Variants in ROBO2 observed in about 807,000 individuals in gnomAD.
The protein encoded by ROBO2 is roundabout guidance receptor 2, also known as roundabout homolog 2.
Under a neutral mutation model 160.8 loss-of-function variants are expected in ROBO2, and 53 were observed. The observed-to-expected ratio is 0.33, with a 90% CI of 0.26 to 0.41. The LOEUF (loss-of-function observed/expected upper bound fraction) is 0.41. Among genes scored for constraint, ROBO2 ranks in the 10% least tolerant of loss-of-function variants. The pLI is 1.00. For missense variants in ROBO2, 1,577 were observed against 1,722.4 expected, an observed-to-expected ratio of 0.92 and a Z score of 1.49; for synonymous variants, 664 against 611.7, an observed-to-expected ratio of 1.09 and a Z score of -1.26.
chr3:77,573,236 T>A (rs949245747), intron 13 of ROBO2, among the ~76,000 whole-genome samples: 1 of 152,026 alleles, frequency 6.6e-6, no homozygotes, highest in Non-Finnish European at 1.5e-5. Flanking sequence ...GCTTAATTTT[T>A]AAAAATAATT....
chr3:76,742,379 G>A (rs9856149), intron 2 of ROBO2, among the ~76,000 whole-genome samples: 1 of 151,988 alleles, frequency 6.6e-6, no homozygotes, highest in African/African-American at 2.4e-5. Flanking sequence ...TTACCCACTG[G>A]ATAAAAGGGT....
chr3:77,586,935 G>T (rs559071616), intron 16 of ROBO2, among the ~76,000 whole-genome samples: 6 of 151,378 alleles, frequency 4.0e-5, no homozygotes, highest in South Asian at 4.2e-4. Flanking sequence ...CATAAATGAC[G>T]CTGGTTTTTA....
At chr3:76,739,550 A>C (rs1162021234) in intron 2 of ROBO2, among the ~76,000 whole-genome samples, 1 of 151,912 alleles carries the variant, frequency 6.6e-6, no homozygotes, top group Non-Finnish European at 1.5e-5. Context: ...TTGGTGCAGC[A>C]CACCAGCATG....
chr3:77,025,558 C>T (rs1435463233), intron 2 of ROBO2, among the ~76,000 whole-genome samples: 1 of 152,132 alleles, frequency 6.6e-6, no homozygotes, highest in African/African-American at 2.4e-5. Context: ...AGGGGGATGA[C>T]ATAAGGTTAG....
chr3:76,399,198 G>C (rs868102601), intron 2 of ROBO2, among the ~76,000 whole-genome samples: 12 of 151,778 alleles, frequency 7.9e-5, no homozygotes, highest in Non-Finnish European at 1.6e-4. Context: ...ATTTTTTAAA[G>C]ATACAGAGCT....
intron 2 of ROBO2, among the ~76,000 whole-genome samples, chr3:76,139,554 G>T (rs975745213): frequency 2.0e-5 from 3 of 151,972 alleles, no homozygotes; most frequent in African/African-American, 7.2e-5. Flanking sequence ...TCCTGCAGTG[G>T]AGTGGAGAGA....
chr3:76,236,968 A>G (rs527464963), intron 2 of ROBO2, among the ~76,000 whole-genome samples: 43 of 152,206 alleles, frequency 2.8e-4, no homozygotes, highest in African/African-American at 8.7e-4. Context: ...TACCAAAGCT[A>G]ATTTCTTAGT....
chr3:77,031,449 A>G (rs905209790), intron 2 of ROBO2, among the ~76,000 whole-genome samples: 2 of 147,554 alleles, frequency 1.4e-5, no homozygotes, highest in African/African-American at 2.5e-5. Flanking sequence ...ATTACATAAT[A>G]TATAGTATAT....
chr3:76,766,493 G>A (rs921062155), intron 2 of ROBO2, among the ~76,000 whole-genome samples: 3 of 151,666 alleles, frequency 2.0e-5, no homozygotes, highest in Admixed American at 6.6e-5. Context: ...CTTGAGAAAT[G>A]AAAAGACAAG....
At chr3:76,343,218 C>A (rs947166534) in intron 2 of ROBO2, among the ~76,000 whole-genome samples, 1 of 151,984 alleles carries the variant, frequency 6.6e-6, no homozygotes, top group African/African-American at 2.4e-5. Context: ...ACCAAATAAT[C>A]TCTATTAGTA....
chr3:76,172,966 T>G (rs2073098790), intron 2 of ROBO2, among the ~76,000 whole-genome samples: 1 of 152,024 alleles, frequency 6.6e-6, no homozygotes, highest in African/African-American at 2.4e-5. Context: ...GTAGGATGAC[T>G]GGACCTCAGT....
At chr3:77,324,661 TCC>T (rs199536971) in intron 2 of ROBO2, among the ~76,000 whole-genome samples, 61,107 of 150,762 alleles carry the variant, frequency 0.41, 13,914 homozygotes, top group African/African-American at 0.61. Flanking sequence ...GCGCCTGTAG[TCC>T]CCCAGCTACT....
chr3:76,087,355 T>A (rs1419535139), intron 2 of ROBO2, among the ~76,000 whole-genome samples: 1 of 152,072 alleles, frequency 6.6e-6, no homozygotes, highest in African/African-American at 2.4e-5. Context: ...AAGAAGAGAA[T>A]GGGTTTAAAT....
In ROBO2 at chr3:76,622,230, G is replaced by A. The variant is rs1288689223; in HGVS notation, c.110-475784G>A. Among the ~76,000 whole-genome samples, 102 of 55,416 alleles carry A rather than the reference G, an allele frequency of 1.8e-3. 1 individual carries two copies. Among genetic ancestry groups the A allele is most frequent in the East Asian group, 5.0e-3 (8 of 1,590 alleles). 36.4% of individuals were successfully genotyped at this position (55,416 alleles called of 152,430 possible). ...AGGAAGGAAGGAAGGAAGGAAGGAA[G>A]GAAGGAAGAAAGAAAGAAAGAAAGA... On this transcript the variant is annotated intron_variant, in intron 2 of 26. Coordinates refer to the ROBO2 transcript ENST00000487694.
intron 2 of ROBO2, among the ~76,000 whole-genome samples, chr3:76,847,135 T>A (rs540324148): frequency 7.9e-5 from 12 of 152,320 alleles, no homozygotes; most frequent in African/African-American, 2.6e-4. Context: ...TGTATCAACC[T>A]TTTGATTAGA....
intron 2 of ROBO2, among the ~76,000 whole-genome samples, chr3:75,948,404 C>T (rs1948404602): frequency 6.6e-6 from 1 of 152,014 alleles, no homozygotes; most frequent in Non-Finnish European, 1.5e-5. Context: ...TAATGAAATA[C>T]TTTTCTGATA....
At chr3:77,138,670 G>C (rs116644047) in intron 2 of ROBO2, among the ~76,000 whole-genome samples, 1,629 of 135,870 alleles carry the variant, frequency 0.012, 17 homozygotes, top group Non-Finnish European at 0.018. Flanking sequence ...TTTATCCCTT[G>C]TTTAATGTTC....
Position 76,482,795 on chromosome 3 carries a change from G to A in ROBO2, c.109+545193G>A, listed in dbSNP as rs143268663. Among the ~76,000 whole-genome samples, 479 of 152,172 alleles carry A rather than the reference G, an allele frequency of 3.1e-3. 3 individuals carry two copies. Among genetic ancestry groups the A allele is most frequent in the Middle Eastern group, 0.017 (5 of 294 alleles). ...TTCCATTGCACCTGCTTTAATCAGC[G>A]TAGTGCCTTGGGTATTATGGTCACT... On this transcript the variant is annotated intron_variant, in intron 2 of 26. Coordinates refer to the ROBO2 transcript ENST00000487694.
chr3:77,241,494 C>CAGTG (rs2089031280), intron 2 of ROBO2, among the ~76,000 whole-genome samples: 1 of 152,134 alleles, frequency 6.6e-6, no homozygotes, highest in South Asian at 2.1e-4. Flanking sequence ...GTTTGTGCTC[C>CAGTG]TTAATGATAA....
Sources: gnomAD v4.1 joint callset for allele counts (sites outside exome capture counted in the v4.1 genomes callset) on GRCh38, gnomAD v4.1.1 for gene constraint, MANE v1.5 for transcripts, NCBI Gene and HGNC (gene_info 2026-07-23, HGNC 2026-07-21) for gene names.